Variants in CCDC73 observed in about 807,000 individuals in gnomAD.
CCDC73 encodes the protein coiled-coil domain-containing protein 73.
CCDC73 carries 95 observed loss-of-function variants against 116.5 expected under a neutral mutation model. The ratio of observed to expected loss-of-function variants is 0.82; its 90% confidence interval spans 0.69 to 0.97. The LOEUF (loss-of-function observed/expected upper bound fraction) is 0.97, where lower values mean the gene tolerates loss of function less well. Among genes scored for constraint, CCDC73 ranks in the 50% least tolerant of loss-of-function variants. The pLI is 0.00. For missense variants in CCDC73, 1,066 were observed against 1,206.8 expected (o/e 0.88, Z 1.73); for synonymous variants, 398 against 401.3 (o/e 0.99, Z 0.10).
At chr11:32,606,986 A>C (rs1262510128) in intron 17 of CCDC73, among the ~76,000 whole-genome samples, 1 of 151,324 alleles carries the variant, frequency 6.6e-6, no homozygotes, top group Non-Finnish European at 1.5e-5. Flanking sequence ...CATATTGGCC[A>C]GGCTGGTCTC....
intron 2 of CCDC73, among the ~76,000 whole-genome samples, chr11:32,745,463 A>G (rs1271673682): frequency 6.6e-6 from 1 of 151,992 alleles, no homozygotes; most frequent in Non-Finnish European, 1.5e-5. Context: ...TATCCTTGTT[A>G]ATTTTTTGCC....
At chr11:32,675,834 C>A in intron 8 of CCDC73, 52 bp downstream of exon 8, 1 of 1,427,722 alleles carries the variant, frequency 7.0e-7, no homozygotes, top group South Asian at 1.3e-5. Context: ...GTAAATAAGT[C>A]CATTCAAACA....
the CCDC73 span, chr11:32,830,017 T>C: frequency 1.0e-6 from 1 of 985,770 alleles, no homozygotes; most frequent in South Asian, 4.7e-5. Context: ...CCTTCCCAGG[T>C]TTGCGCGCGG....
At chr11:32,734,415 ATT>A (rs71463367) in intron 2 of CCDC73, among the ~76,000 whole-genome samples, 4 of 136,620 alleles carry the variant, frequency 2.9e-5, no homozygotes, top group South Asian at 2.3e-4. Flanking sequence ...TCCCTAACTC[ATT>A]TTTTTTTCTT....
intron 14 of CCDC73, 33 bp downstream of exon 14, chr11:32,635,663 T>C (rs371436406): frequency 6.4e-6 from 8 of 1,251,496 alleles, no homozygotes; most frequent in African/African-American, 1.5e-5. Context: ...ATTTCTTTGA[T>C]AGTTTGTACC....
At chr11:32,797,009 C>CA (rs1163144111), upstream of CCDC73, among the ~76,000 whole-genome samples, 1,938 of 74,224 alleles carry the variant, frequency 0.026, 56 homozygotes, top group African/African-American at 0.034. Flanking sequence ...GAGACTGCCT[C>CA]AAAAAAAAAA....
At chr11:32,755,321 G>A (rs1456988857) in intron 2 of CCDC73, among the ~76,000 whole-genome samples, 1 of 144,838 alleles carries the variant, frequency 6.9e-6, no homozygotes, top group Non-Finnish European at 1.5e-5. Flanking sequence ...GGATCACGAG[G>A]TCAGGAGATC....
chr11:32,813,185 G>GA, the CCDC73 span, among the ~76,000 whole-genome samples: 4 of 152,070 alleles, frequency 2.6e-5, no homozygotes, highest in African/African-American at 9.6e-5. Context: ...GTCCTTTGCT[G>GA]AAAAAATATC....
At chr11:32,603,225 C>G in intron 17 of CCDC73, 2 of 476,616 alleles carry the variant, frequency 4.2e-6, no homozygotes, top group Non-Finnish European at 3.7e-6. Flanking sequence ...TAATATATAA[C>G]TGAAGTAAAG....
chr11:32,653,998 G>A lies in CCDC73; in HGVS notation c.814C>T (p.His272Tyr). ...CTTACCTGTTTTTCTTCTTGAATAT[G>A]GGTAATCTCTTCATTAATCTTCTCA... The part of the protein sequence containing the change: ...LNEKINEEIT[H>Y]IQEEKQDIII... Residue 272 changes from histidine to tyrosine, a missense_variant, in exon 11 of 18, where the codon CAT (histidine) becomes TAT (tyrosine). Coordinates refer to ENST00000335185, the MANE Select transcript of CCDC73 (RefSeq NM_001008391.4). 1 of 1,599,078 alleles carries A rather than the reference G, an allele frequency of 6.3e-7. No individual in the cohort carries two copies. Among genetic ancestry groups the A allele is most frequent in the Non-Finnish European group, 8.5e-7 (1 of 1,172,378 alleles).
chr11:32,792,647 A>G lies in CCDC73; in HGVS notation c.-16+1966T>C, dbSNP rs545318904. ...GTACACTATATAAATAACAGTGCCC[A>G]ATTTTCACCTCCTTCAGAAAACTCA... On this transcript the variant is annotated intron_variant, in intron 1 of 17. Transcript: ENST00000335185. 4.6e-5 allele frequency among the ~76,000 whole-genome samples: 7 copies of G among 152,302 alleles called. No individual in the cohort carries two copies. The South Asian group carries it at 1.5e-3, about 32-fold the overall frequency.
chr11:32,663,345 T>C (rs1855948758), intron 9 of CCDC73, among the ~76,000 whole-genome samples: 1 of 152,244 alleles, frequency 6.6e-6, no homozygotes, highest in Non-Finnish European at 1.5e-5. Flanking sequence ...GTTTGTGTCC[T>C]CTTTTATTTC....
At chr11:32,805,641 T>C in the CCDC73 span, among the ~76,000 whole-genome samples, 119 of 152,328 alleles carry the variant, frequency 7.8e-4, 3 homozygotes, top group South Asian at 0.02. Context: ...TTATCTACCA[T>C]ACAAATTGAT....
chr11:32,790,500 G>A (rs983900445), intron 1 of CCDC73, among the ~76,000 whole-genome samples: 10 of 152,064 alleles, frequency 6.6e-5, no homozygotes, highest in African/African-American at 2.4e-4. Context: ...TAACCTCCAA[G>A]TGAGGAAAAG....
At chr11:32,700,342 T>C (rs891862897) in intron 5 of CCDC73, among the ~76,000 whole-genome samples, 70 of 152,344 alleles carry the variant, frequency 4.6e-4, no homozygotes, top group African/African-American at 1.1e-3. Flanking sequence ...CTAGGTTTGT[T>C]GGAGCTTTAT....
intron 2 of CCDC73, among the ~76,000 whole-genome samples, chr11:32,736,353 T>C (rs1192790563): frequency 1.3e-5 from 2 of 152,012 alleles, no homozygotes; most frequent in Non-Finnish European, 2.9e-5. Flanking sequence ...GGGCAAAGGA[T>C]ATGAACAGAC....
intron 14 of CCDC73, among the ~76,000 whole-genome samples, chr11:32,621,290 A>AACCAAAACAACTTGGTATTGGT (rs1196273469): frequency 6.6e-6 from 1 of 152,210 alleles, no homozygotes; most frequent in Non-Finnish European, 1.5e-5. Context: ...AAGCAACAGT[A>AACCAAAACAACTTGGTATTGGT]ACCAAAACAA....
intron 7 of CCDC73, among the ~76,000 whole-genome samples, chr11:32,677,122 T>C (rs1856096539): frequency 6.6e-6 from 1 of 152,222 alleles, no homozygotes; most frequent in Non-Finnish European, 1.5e-5. Flanking sequence ...TGAGCAGTTC[T>C]AAACAAAGAA....
the CCDC73 span, among the ~76,000 whole-genome samples, chr11:32,814,819 T>C: frequency 6.6e-6 from 1 of 152,124 alleles, no homozygotes; most frequent in Non-Finnish European, 1.5e-5. Context: ...AGGTAGTATA[T>C]CCAGAAAATA....
Sources: gnomAD v4.1 joint callset for allele counts (sites outside exome capture counted in the v4.1 genomes callset) on GRCh38, gnomAD v4.1.1 for gene constraint, MANE v1.5 for transcripts, NCBI Gene and HGNC (gene_info 2026-07-23, HGNC 2026-07-21) for gene names.